The following STON1 variants were observed in gnomAD, a reference collection of about 807,000 sequenced individuals.
STON1 encodes stonin 1.
In STON1, 79 loss-of-function variants were observed where a neutral mutation model predicts 60.9. That is an observed-to-expected ratio of 1.30 (90% confidence interval 1.08 to 1.56). STON1 has a LOEUF of 1.56. Among genes scored for constraint, STON1 ranks in the 40% most tolerant of loss-of-function variants. The probability of loss-of-function intolerance (pLI) is 0.00; values close to 1 mark genes in which losing one functional copy is unlikely to be tolerated. For synonymous variants in STON1, 363 were observed against 306.9 expected, an observed-to-expected ratio of 1.18 and a Z score of -1.91; for missense variants, 1,166 against 858.9, an observed-to-expected ratio of 1.36 and a Z score of -4.47.
intron 1 of STON1, among the ~76,000 whole-genome samples, chr2:48,538,865 G>A (rs529580476): frequency 6.7e-6 from 1 of 149,508 alleles, no homozygotes; most frequent in Admixed American, 6.8e-5. Context: ...TGATCCGCCT[G>A]CCGCGGCCTC....
intron 1 of STON1, among the ~76,000 whole-genome samples, chr2:48,548,298 G>A (rs1463787254): frequency 6.6e-6 from 1 of 152,176 alleles, no homozygotes; most frequent in East Asian, 1.9e-4. Context: ...GCCACCTCAG[G>A]TGATGGGAGA....
intron 1 of STON1, among the ~76,000 whole-genome samples, chr2:48,533,403 T>C (rs1032569121): frequency 6.6e-6 from 1 of 150,410 alleles, no homozygotes; most frequent in African/African-American, 2.4e-5. Flanking sequence ...AAAAAAAAGA[T>C]GTAGGCCAGG....
intron 1 of STON1, among the ~76,000 whole-genome samples, chr2:48,565,569 T>TC (rs1249491980): frequency 2.6e-5 from 4 of 152,036 alleles, no homozygotes; most frequent in Non-Finnish European, 2.9e-5. Flanking sequence ...TATTATCAGA[T>TC]CCCCAGGGCA....
chr2:48,566,276 A>C (rs1340297084), intron 1 of STON1, among the ~76,000 whole-genome samples: 1 of 152,146 alleles, frequency 6.6e-6, no homozygotes, highest in East Asian at 1.9e-4. Context: ...CCCAGGTTCA[A>C]GTGATTCTCC....
intron 1 of STON1, among the ~76,000 whole-genome samples, chr2:48,548,452 C>T (rs558563603): frequency 6.6e-6 from 1 of 152,122 alleles, no homozygotes; most frequent in South Asian, 2.1e-4. Flanking sequence ...ATGCCAAATG[C>T]TTGCTTTCTC....
intron 1 of STON1, among the ~76,000 whole-genome samples, chr2:48,552,751 CAG>C (rs1188034573): frequency 6.6e-6 from 1 of 152,094 alleles, no homozygotes; most frequent in African/African-American, 2.4e-5. Flanking sequence ...GCCTGGGCAA[CAG>C]AGTGAGACTC....
intron 1 of STON1, among the ~76,000 whole-genome samples, chr2:48,533,901 C>A (rs1347119753): frequency 6.6e-6 from 1 of 151,688 alleles, no homozygotes; most frequent in African/African-American, 2.4e-5. Context: ...ACCCGAGTAC[C>A]TGGGATTACA....
chr2:48,535,144 A>G (rs972130082), intron 1 of STON1, among the ~76,000 whole-genome samples: 3 of 152,170 alleles, frequency 2.0e-5, no homozygotes, highest in Admixed American at 6.5e-5. Context: ...ATAGGTAGAA[A>G]GACCCAGGGA....
intron 1 of STON1, among the ~76,000 whole-genome samples, chr2:48,566,987 G>A (rs1034658508): frequency 1.3e-5 from 2 of 151,870 alleles, no homozygotes; most frequent in East Asian, 3.9e-4. Context: ...TCTAAATTTA[G>A]GAAATGAACA....
intron 1 of STON1, among the ~76,000 whole-genome samples, chr2:48,533,948 TA>T (rs1253056709): frequency 3.3e-5 from 5 of 151,950 alleles, no homozygotes; most frequent in Non-Finnish European, 7.4e-5. Context: ...TTTGTATTTT[TA>T]GTAGAGATGG....
At chr2:48,575,368 G>A (rs1391445587) in intron 1 of STON1, among the ~76,000 whole-genome samples, 1 of 151,990 alleles carries the variant, frequency 6.6e-6, no homozygotes, top group Non-Finnish European at 1.5e-5. Flanking sequence ...AATTCTTTTG[G>A]ATAGGCTGGG....
At chr2:48,539,975 T>A (rs1159168500) in intron 1 of STON1, among the ~76,000 whole-genome samples, 1 of 152,078 alleles carries the variant, frequency 6.6e-6, no homozygotes. Flanking sequence ...GCTCATGGTG[T>A]AAGGTGACCA....
At chr2:48,579,479 C>T (rs1309828790) in intron 1 of STON1, among the ~76,000 whole-genome samples, 1 of 152,016 alleles carries the variant, frequency 6.6e-6, no homozygotes, top group Non-Finnish European at 1.5e-5. Flanking sequence ...TCCTTTGATC[C>T]ATTGGTTGTT....
At chr2:48,548,706 C>A (rs528443314) in intron 1 of STON1, among the ~76,000 whole-genome samples, 122 of 152,070 alleles carry the variant, frequency 8.0e-4, no homozygotes, top group African/African-American at 2.6e-3. Flanking sequence ...CACCATGTTG[C>A]CCAGGCTGGT....
At chr2:48,576,839 G>A (rs532573086) in intron 1 of STON1, among the ~76,000 whole-genome samples, 16 of 151,148 alleles carry the variant, frequency 1.1e-4, no homozygotes, top group Non-Finnish European at 2.2e-4. Flanking sequence ...TGGAGCACAA[G>A]TTCAGGAGAT....
chr2:48,553,285 C>T (rs571423238), intron 1 of STON1, among the ~76,000 whole-genome samples: 19 of 152,192 alleles, frequency 1.2e-4, no homozygotes, highest in African/African-American at 4.3e-4. Flanking sequence ...GGAAAACCTC[C>T]GGCCTGAAGG....
At chr2:48,577,866 TC>T (rs1029718373) in intron 1 of STON1, among the ~76,000 whole-genome samples, 2 of 151,718 alleles carry the variant, frequency 1.3e-5, no homozygotes, top group Non-Finnish European at 2.9e-5. Flanking sequence ...TCCGTCCACC[TC>T]GGCCTCCCAA....
intron 1 of STON1, among the ~76,000 whole-genome samples, chr2:48,543,529 C>A (rs1004433656): frequency 2.3e-5 from 3 of 128,210 alleles, no homozygotes; most frequent in Non-Finnish European, 1.6e-5. Flanking sequence ...TTAAAGATAA[C>A]TTTTTTTTTT....
At chr2:48,577,304 C>T (rs1268150927) in intron 1 of STON1, among the ~76,000 whole-genome samples, 3 of 151,872 alleles carry the variant, frequency 2.0e-5, no homozygotes, top group East Asian at 3.9e-4. Context: ...TAGTTTTCAC[C>T]GGGCGCGGTG....
Sources: gnomAD v4.1 joint callset for allele counts (sites outside exome capture counted in the v4.1 genomes callset) on GRCh38, gnomAD v4.1.1 for gene constraint, MANE v1.5 for transcripts, NCBI Gene and HGNC (gene_info 2026-07-23, HGNC 2026-07-21) for gene names.